CEP131: variants seen among roughly 807,000 people sequenced by gnomAD.
CEP131 encodes the protein centrosomal protein 131.
A neutral mutation model predicts 136.8 loss-of-function variants in CEP131; 99 were observed. The ratio of observed to expected loss-of-function variants is 0.72; its 90% CI spans 0.62 to 0.86. The LOEUF is 0.86. Ranked by LOEUF, CEP131 falls within the 40% of genes least tolerant of loss-of-function variation. CEP131 has a pLI of 0.00. For missense variants in CEP131, 1,459 were observed against 1,463.0 expected, an observed-to-expected ratio of 1.00 and a Z score of 0.04; for synonymous variants, 646 against 612.7, an observed-to-expected ratio of 1.05 and a Z score of -0.80.
chr17:81,212,936 G>A (rs2062166929), intron 2 of CEP131, among the ~76,000 whole-genome samples: 1 of 152,186 alleles, frequency 6.6e-6, no homozygotes, highest in Admixed American at 6.5e-5. Context: ...AAACAGCCCA[G>A]TAGGGACAAG....
Position 81,207,250 on chromosome 17 carries a change from G to T in CEP131, c.273-11C>A. ...GTGGGCTCCGTTGGCCTGCATCCGA[G>T]AGAGGGCGGCACACAAGGAAAGAGT... On this transcript the variant is annotated splice_polypyrimidine_tract_variant and intron_variant, in intron 3 of 25. Transcript: ENST00000450824. The T allele has an allele frequency of 6.2e-7, 1 of 1,611,514 alleles. No homozygotes were observed. The highest frequency in any genetic ancestry group is 8.5e-7 in the Non-Finnish European group (1 of 1,178,920).
Position 81,215,243 on chromosome 17 carries a change from C to A in CEP131, c.177+4637G>T, listed in dbSNP as rs1326650517. Among the ~76,000 whole-genome samples, 9 of 151,928 alleles carry A rather than the reference C, an allele frequency of 5.9e-5. No homozygotes were observed. The highest frequency in any genetic ancestry group is 5.3e-4 in the Admixed American group (8 of 15,238). On this transcript the variant is annotated intron_variant, in intron 2 of 25. Coordinates refer to ENST00000450824, the MANE Select transcript of CEP131 (RefSeq NM_014984.4). This position sits in a 1 kb window ranked among gnomAD's most constrained non-coding sequence, Gnocchi z 4.1. ...CCATGTAGCTGGGACTACAGGCATGCACCACCACACTCGGCTAATTTTTTA... is the reference window on the plus strand; with the variant it reads ...CCATGTAGCTGGGACTACAGGCATGAACCACCACACTCGGCTAATTTTTTA...
chr17:81,202,943 A>G (rs554532483), intron 6 of CEP131, among the ~76,000 whole-genome samples: 3 of 150,584 alleles, frequency 2.0e-5, no homozygotes, highest in Non-Finnish European at 1.5e-5. Flanking sequence ...CAGCCTGGGC[A>G]ACAAGAATGA....
At chr17:81,191,415 G>T in intron 21 of CEP131, 80 bp from the exon 22 acceptor site, 1 of 1,403,336 alleles carries the variant, frequency 7.1e-7, no homozygotes, top group Non-Finnish European at 1.0e-6. Context: ...GGGTCCTGGG[G>T]GGCTCCAGGC....
intron 3 of CEP131, 33 bp from the exon 4 acceptor site, chr17:81,207,272 G>C: frequency 6.2e-7 from 1 of 1,603,320 alleles, no homozygotes; most frequent in Non-Finnish European, 8.5e-7. Flanking sequence ...CACAAGGAAA[G>C]AGTCACCAGC....
In CEP131 at chr17:81,192,977, C is replaced by G. The variant is rs984599133; in HGVS notation, c.2322-134G>C. 2.1e-6 allele frequency: 3 copies of G among 1,404,864 alleles called. No homozygotes were observed. In the Admixed American group the frequency reaches 7.7e-5, roughly 36 times the overall value. 87.0% of individuals were successfully genotyped at this position (1,404,864 alleles called of 1,614,324 possible). A position where few individuals can be genotyped will look rare whatever the true frequency, so the allele number is the denominator to read the frequency against. On this transcript the variant is annotated intron_variant, in intron 18 of 25. Transcript: ENST00000450824. ...GCCCTCCGGGGCCCTGCCCCTCCCC[C>G]TCGGCAGTCAAGGCCCCTCAAAGCC...
Position 81,215,984 on chromosome 17 carries a change from G to A in CEP131, c.177+3896C>T, listed in dbSNP as rs1209773434. On this transcript the variant is annotated intron_variant, in intron 2 of 25. Coordinates refer to ENST00000450824, the MANE Select transcript of CEP131 (RefSeq NM_014984.4). The surrounding 1 kb of genome is among the most constrained non-coding windows in gnomAD (Gnocchi z 4.1). ...CCCACACCCGTAATCCCAGCACTTTGGGAGGCCGAGGTGGGAGGATCGCTT... is the reference window on the plus strand; with the variant it reads ...CCCACACCCGTAATCCCAGCACTTTAGGAGGCCGAGGTGGGAGGATCGCTT... Among the ~76,000 whole-genome samples the A allele has an allele frequency of 6.6e-6, 1 of 152,126 alleles. No homozygotes were observed. The highest frequency in any genetic ancestry group is 1.5e-5 in the Non-Finnish European group (1 of 68,018).
intron 2 of CEP131, among the ~76,000 whole-genome samples, chr17:81,214,775 A>C (rs1251626029): frequency 6.6e-6 from 1 of 151,984 alleles, no homozygotes; most frequent in Admixed American, 6.6e-5. Context: ...GCCTATCAAA[A>C]AAAAAAATTT....
intron 16 of CEP131, among the ~76,000 whole-genome samples, 165 bp from the exon 17 acceptor site, chr17:81,195,137 G>A (rs896524088): frequency 1.4e-5 from 2 of 146,816 alleles, no homozygotes; most frequent in South Asian, 2.2e-4. Flanking sequence ...CCTCCCCAGC[G>A]CCCGGGGCCA....
Position 81,215,483 on chromosome 17 carries a change from C to T in CEP131, c.177+4397G>A, listed in dbSNP as rs957490836. Among the ~76,000 whole-genome samples the T allele has an allele frequency of 6.6e-5, 10 of 152,078 alleles. No individual in the cohort carries two copies. Among genetic ancestry groups the T allele is most frequent in the African/African-American group, 2.4e-4 (10 of 41,412 alleles). On this transcript the variant is annotated intron_variant, in intron 2 of 25. Coordinates refer to ENST00000450824, the MANE Select transcript of CEP131 (RefSeq NM_014984.4). The surrounding 1 kb of genome is among the most constrained non-coding windows in gnomAD (Gnocchi z 4.1). ...CTAGAGTGTGGTGGTGCGATCTTGG[C>T]TCACTGCAACCTCCAGCTTCCGGGT...
chr17:81,222,119 TC>T (rs2146784796), intron 1 of CEP131, among the ~76,000 whole-genome samples: 1 of 152,306 alleles, frequency 6.6e-6, no homozygotes, highest in East Asian at 1.9e-4. Context: ...GACTCTGCTC[TC>T]CCAGCCACAC....
At chr17:81,199,907 C>T (rs2061852269) in intron 8 of CEP131, 72 bp from the exon 9 acceptor site, 1 of 1,476,924 alleles carries the variant, frequency 6.8e-7, no homozygotes, top group Non-Finnish European at 9.4e-7. Flanking sequence ...CAGAGGTTTC[C>T]CCACAACGCC....
At position 81,197,620 on chromosome 17, in the gene CEP131, C is replaced by T. The variant is rs1013457122; in HGVS notation, c.1647+92G>A. 41 of 1,476,718 alleles carry T rather than the reference C, an allele frequency of 2.8e-5. No homozygotes were observed. In the African/African-American group the frequency reaches 5.6e-4, roughly 20 times the overall value. The allele number at this position is 1,476,718 out of a possible 1,614,324, so 91.5% of individuals were successfully genotyped here. A position where few individuals can be genotyped will look rare whatever the true frequency, so the allele number is the denominator to read the frequency against. On this transcript the variant is annotated intron_variant, in intron 13 of 25. Coordinates refer to ENST00000450824, the MANE Select transcript of CEP131 (RefSeq NM_014984.4). ...CCTCCCCCTGGGGGCCAGGTGCGGG[C>T]TGGTGAGGGGCCTCCTCCCCCGAGG...
At chr17:81,191,404 G>T in intron 21 of CEP131, 69 bp from the exon 22 acceptor site, 2 of 1,451,064 alleles carry the variant, frequency 1.4e-6, no homozygotes, top group Non-Finnish European at 1.9e-6. Flanking sequence ...CCAGCCTCAG[G>T]GGGTCCTGGG....
chr17:81,219,204 TC>T lies in CEP131; in HGVS notation c.177+675del. On this transcript the variant is annotated intron_variant, in intron 2 of 25. Transcript: ENST00000450824. This position sits in a 1 kb window ranked among gnomAD's most constrained non-coding sequence, Gnocchi z 4.0. ...TCTCACCCCGAAGCTCCCACGGCTGTCCTGCTGCCCACACACCCACACACCC... is the reference window on the plus strand; with the variant it reads ...TCTCACCCCGAAGCTCCCACGGCTGTCTGCTGCCCACACACCCACACACCC... Among the ~76,000 whole-genome samples, 1 of 152,068 alleles carries T rather than the reference TC, an allele frequency of 6.6e-6. No homozygotes were observed. The highest frequency in any genetic ancestry group is 3.4e-3 in the Middle Eastern group (1 of 294).
At chr17:81,196,213 G>A (rs998245390) in intron 15 of CEP131, among the ~76,000 whole-genome samples, 6 of 152,234 alleles carry the variant, frequency 3.9e-5, no homozygotes, top group African/African-American at 1.4e-4. Context: ...CTGCAGTGAT[G>A]TCAGGGTCTT....
Position 81,197,907 on chromosome 17 carries a change from G to A in CEP131, c.1471-19C>T, listed in dbSNP as rs1424302029. ...CATCCTCCTGTGGGACAGGAGCCCA[G>A]CATCGGGGGCTGTCAGGGCAGCCTG... On this transcript the variant is annotated intron_variant, in intron 12 of 25. Transcript: ENST00000450824. 4 of 1,603,874 alleles carry A rather than the reference G, an allele frequency of 2.5e-6. No individual in the cohort carries two copies. The highest frequency in any genetic ancestry group is 1.3e-5 in the African/African-American group (1 of 74,780).
In CEP131 at chr17:81,219,944, G is replaced by T; in HGVS notation, c.113C>A (p.Thr38Asn). The T allele has an allele frequency of 6.2e-7, 1 of 1,612,354 alleles. No homozygotes were observed. Residue 38 changes from threonine to asparagine, a missense_variant, in exon 2 of 26, where the codon ACC becomes AAC. Physicochemically the swap from Thr to Asn is moderately conservative, Grantham distance 65. Coordinates refer to ENST00000450824, the MANE Select transcript of CEP131 (RefSeq NM_014984.4). This position sits in a 1 kb window ranked among gnomAD's most constrained non-coding sequence, Gnocchi z 4.0. ...GACAGAGCGGACGATGGGCTTGGTG[G>T]TGGCGGCACTGCCAGGACGCCGGGA... ...PVSRRPGSAATTKPIVRSVSV... is the reference protein window; with the variant it reads ...PVSRRPGSAANTKPIVRSVSV...
intron 5 of CEP131, 58 bp downstream of exon 5, chr17:81,206,686 G>A: frequency 5.2e-6 from 8 of 1,546,656 alleles, no homozygotes; most frequent in Non-Finnish European, 6.1e-6. Context: ...GACACACACA[G>A]TCTCCACTCC....
Sources: allele counts gnomAD v4.1 joint callset (sites outside exome capture counted in the v4.1 genomes callset), GRCh38; gene constraint gnomAD v4.1.1; non-coding constraint Gnocchi (gnomAD v3.1); transcripts MANE v1.5; gene names NCBI Gene and HGNC (gene_info 2026-07-23, HGNC 2026-07-21).